The following ENOX1 variants were observed in gnomAD, a reference collection of about 807,000 sequenced individuals.
ENOX1 encodes the protein ecto-NOX disulfide-thiol exchanger 1, also known as candidate growth-related and time keeping constitutive hydroquinone (NADH) oxidase.
A neutral mutation model predicts 82.5 loss-of-function variants in ENOX1; 42 were observed. The observed-to-expected ratio is 0.51, with a 90% confidence interval of 0.40 to 0.66. The LOEUF is 0.66. Ranked by LOEUF, ENOX1 falls within the 30% of genes least tolerant of loss-of-function variation. ENOX1 has a pLI of 0.00. For missense variants in ENOX1, 608 were observed against 811.6 expected, an observed-to-expected ratio of 0.75 and a Z score of 3.05; for synonymous variants, 271 against 282.2, an observed-to-expected ratio of 0.96 and a Z score of 0.40.
intron 3 of ENOX1, among the ~76,000 whole-genome samples, chr13:43,439,538 T>C (rs997369091): frequency 2.6e-5 from 4 of 152,140 alleles, no homozygotes; most frequent in African/African-American, 7.2e-5. Flanking sequence ...AAATGTGATG[T>C]TATAGTGTTC....
At position 43,466,663 on chromosome 13, in the gene ENOX1, T is replaced by C. The variant is rs145300801; in HGVS notation, c.-75+17346A>G. On this transcript the variant is annotated intron_variant, in intron 3 of 16. Coordinates refer to ENST00000690772, the MANE Select transcript of ENOX1 (RefSeq NM_001347969.2). Reference sequence around the variant, plus strand: ...TTGGAGATATAATTTATATAATGTATAGTTCACTCTTTTAAGGTGTACAGT... The same window carrying C: ...TTGGAGATATAATTTATATAATGTACAGTTCACTCTTTTAAGGTGTACAGT... 2.0e-3 allele frequency among the ~76,000 whole-genome samples: 300 copies of C among 152,342 alleles called. 1 individual carries two copies. The highest frequency in any genetic ancestry group is 6.7e-3 in the African/African-American group (280 of 41,590).
intron 2 of ENOX1, among the ~76,000 whole-genome samples, chr13:43,655,253 T>C (rs1165437961): frequency 6.6e-6 from 1 of 152,230 alleles, no homozygotes; most frequent in Non-Finnish European, 1.5e-5. Context: ...TCGCAAACTG[T>C]TCCATGTCCA....
chr13:43,293,520 A>G (rs2046124149), intron 12 of ENOX1, among the ~76,000 whole-genome samples: 1 of 152,062 alleles, frequency 6.6e-6, no homozygotes, highest in Non-Finnish European at 1.5e-5. Flanking sequence ...CAGTCCCTTC[A>G]TCTCCAGAGC....
chr13:43,227,313 G>C (rs1235197335), intron 15 of ENOX1, among the ~76,000 whole-genome samples: 1 of 152,158 alleles, frequency 6.6e-6, no homozygotes, highest in Non-Finnish European at 1.5e-5. Flanking sequence ...TGCACCCCAA[G>C]GAGCTGTGCT....
At chr13:43,214,178 T>G in intron 16 of ENOX1, 57 bp from the exon 17 acceptor site, 1 of 1,576,738 alleles carries the variant, frequency 6.3e-7, no homozygotes, top group Non-Finnish European at 8.7e-7. Flanking sequence ...AAAGGAGGAA[T>G]GGATTGGGGA....
At chr13:43,381,872 T>G (rs923392079) in intron 5 of ENOX1, among the ~76,000 whole-genome samples, 1 of 152,020 alleles carries the variant, frequency 6.6e-6, no homozygotes, top group Non-Finnish European at 1.5e-5. Context: ...TAGTTACAAT[T>G]ATTCCCACAA....
At chr13:43,676,315 A>C (rs558119968) in intron 1 of ENOX1, among the ~76,000 whole-genome samples, 2 of 152,226 alleles carry the variant, frequency 1.3e-5, no homozygotes, top group East Asian at 1.9e-4. Context: ...ATTACCACTA[A>C]AATAAGTCAG....
At chr13:43,380,623 T>C (rs922004005) in intron 5 of ENOX1, among the ~76,000 whole-genome samples, 1 of 151,508 alleles carries the variant, frequency 6.6e-6, no homozygotes, top group African/African-American at 2.4e-5. Flanking sequence ...ATCCAATATA[T>C]CAGATTGGAT....
intron 2 of ENOX1, among the ~76,000 whole-genome samples, chr13:43,616,107 G>GAT (rs2082410011): frequency 5.8e-5 from 3 of 51,760 alleles, no homozygotes; most frequent in South Asian, 1.2e-3. Flanking sequence ...TATATAGATA[G>GAT]ATATCTATAG....
At chr13:43,627,273 C>A (rs912664228) in intron 2 of ENOX1, among the ~76,000 whole-genome samples, 2 of 151,910 alleles carry the variant, frequency 1.3e-5, no homozygotes, top group Non-Finnish European at 2.9e-5. Context: ...GCATTTAATG[C>A]AATTATTGAT....
At chr13:43,361,759 C>T (rs1299402046) in intron 5 of ENOX1, among the ~76,000 whole-genome samples, 1 of 152,132 alleles carries the variant, frequency 6.6e-6, no homozygotes, top group Non-Finnish European at 1.5e-5. Flanking sequence ...ATGCAATTTT[C>T]TATTTCTTAA....
chr13:43,751,905 A>T (rs1013324900), intron 1 of ENOX1, among the ~76,000 whole-genome samples: 1 of 152,232 alleles, frequency 6.6e-6, no homozygotes, highest in African/African-American at 2.4e-5. Flanking sequence ...GAGGAGTGGA[A>T]ATAAATGAGT....
At chr13:43,725,684 C>G (rs544131486) in intron 1 of ENOX1, among the ~76,000 whole-genome samples, 2 of 151,994 alleles carry the variant, frequency 1.3e-5, no homozygotes, top group Admixed American at 1.3e-4. Context: ...AGATAGTTTT[C>G]GCCTGGCACG....
At chr13:43,264,357 T>A in intron 14 of ENOX1, among the ~76,000 whole-genome samples, 1 of 152,232 alleles carries the variant, frequency 6.6e-6, no homozygotes, top group East Asian at 1.9e-4. Flanking sequence ...AACTCAGTTG[T>A]AAGTTCCCCG....
At chr13:43,745,498 T>C (rs1416142189) in intron 1 of ENOX1, among the ~76,000 whole-genome samples, 1 of 152,202 alleles carries the variant, frequency 6.6e-6, no homozygotes, top group East Asian at 1.9e-4. Flanking sequence ...AATCATATTG[T>C]AAGAACACAT....
At chr13:43,615,903 C>A (rs890951420) in intron 2 of ENOX1, among the ~76,000 whole-genome samples, 1 of 151,544 alleles carries the variant, frequency 6.6e-6, no homozygotes, top group Admixed American at 6.6e-5. Context: ...ACATCCATGT[C>A]CCTGCAAAGT....
intron 15 of ENOX1, among the ~76,000 whole-genome samples, chr13:43,235,226 A>G (rs906466813): frequency 6.6e-6 from 1 of 152,184 alleles, no homozygotes; most frequent in Non-Finnish European, 1.5e-5. Flanking sequence ...ATGGCATGTT[A>G]TTACAGCTGT....
intron 5 of ENOX1, among the ~76,000 whole-genome samples, chr13:43,364,833 C>A (rs779852871): frequency 4.6e-5 from 7 of 152,146 alleles, no homozygotes; most frequent in Non-Finnish European, 7.4e-5. Context: ...AGAGTCGGGA[C>A]ACATGAGCTG....
intron 2 of ENOX1, among the ~76,000 whole-genome samples, chr13:43,655,588 T>G (rs1350006185): frequency 6.6e-6 from 1 of 152,196 alleles, no homozygotes; most frequent in Admixed American, 6.5e-5. Context: ...GAATGTCATG[T>G]TGATCATGTC....
Sources: gnomAD v4.1 joint callset for allele counts (sites outside exome capture counted in the v4.1 genomes callset) on GRCh38, gnomAD v4.1.1 for gene constraint, MANE v1.5 for transcripts, NCBI Gene and HGNC (gene_info 2026-07-23, HGNC 2026-07-21) for gene names.